CASQ2: variants seen among roughly 807,000 people sequenced by gnomAD.
The protein encoded by CASQ2 is calsequestrin-2.
In CASQ2, 49 loss-of-function variants were observed where a neutral mutation model predicts 46.5. That is an observed-to-expected ratio of 1.05 (90% CI 0.84 to 1.34). The LOEUF (loss-of-function observed/expected upper bound fraction) is 1.34. CASQ2 is among the 40% of genes most tolerant of loss of function. The pLI, the probability that CASQ2 is intolerant of heterozygous loss-of-function variation, is 0.00. For synonymous variants in CASQ2, 174 were observed against 168.5 expected, an observed-to-expected ratio of 1.03 and a Z score of -0.25; for missense variants, 486 against 481.3, an observed-to-expected ratio of 1.01 and a Z score of -0.09.
rs201882642 is a variant in CASQ2, at chr1:115,745,106, A to G, written c.235-194T>C. On this transcript the variant is annotated intron_variant, in intron 1 of 10. Transcript: ENST00000261448. The stretch of plus-strand genomic sequence containing the variant: ...AAGGATGATTCAGGAGAATGCTGAG[A>G]ATCAAGGAGGGAAAATCTGAGGAGC... Among the ~76,000 whole-genome samples the G allele has an allele frequency of 3.3e-5, 5 of 152,322 alleles. No homozygotes were observed. The East Asian group carries it at 9.7e-4, about 29-fold the overall frequency.
chr1:115,740,971 T>C, intron 2 of CASQ2, 143 bp from the exon 3 acceptor site: 1 of 683,548 alleles, frequency 1.5e-6, no homozygotes, highest in Admixed American at 2.2e-5. Context: ...AGCAGTTGCC[T>C]TGAAATAACA....
intron 8 of CASQ2, among the ~76,000 whole-genome samples, chr1:115,709,395 G>A (rs956846916): frequency 3.3e-5 from 5 of 152,298 alleles, no homozygotes; most frequent in Admixed American, 6.5e-5. Context: ...ATGAGTAAAT[G>A]TTTCCTTTAT....
At chr1:115,753,141 C>T (rs1475438207) in intron 1 of CASQ2, among the ~76,000 whole-genome samples, 2 of 152,160 alleles carry the variant, frequency 1.3e-5, no homozygotes, top group Non-Finnish European at 2.9e-5. Context: ...AGTTCACAGT[C>T]ACGGCAGTCC....
chr1:115,765,524 G>A (rs1033922587), intron 1 of CASQ2, among the ~76,000 whole-genome samples: 1 of 152,100 alleles, frequency 6.6e-6, no homozygotes, highest in African/African-American at 2.4e-5. Context: ...CCTCACTGGA[G>A]AGGGAAATCA....
At chr1:115,711,179 C>G (rs554163460) in intron 8 of CASQ2, among the ~76,000 whole-genome samples, 28 of 152,296 alleles carry the variant, frequency 1.8e-4, no homozygotes, top group Middle Eastern at 6.8e-3. Context: ...CTTCCTGACT[C>G]CATGCCATGG....
intron 1 of CASQ2, 21 bp from the exon 2 acceptor site, chr1:115,744,933 A>T (rs777069742): frequency 1.4e-5 from 21 of 1,550,274 alleles, no homozygotes; most frequent in Non-Finnish European, 1.5e-5. Flanking sequence ...AAATGGAAAG[A>T]TGAGTGTGCT....
At position 115,705,208 on chromosome 1, in the gene CASQ2, G is replaced by T. The variant is rs139228801; in HGVS notation, c.923C>A (p.Pro308Gln). The T allele has an allele frequency of 3.7e-6, 6 of 1,612,274 alleles. No homozygotes were observed. Among genetic ancestry groups the T allele is most frequent in the Non-Finnish European group, 5.1e-6 (6 of 1,178,376 alleles). ...GCCACTCACCAGAGGAAAGTCGTCC[G>T]GGTCGATCCACAGGATGCTCAGATC... ...NPDLSILWID[P>Q]DDFPLLVAYW... Residue 308 changes from proline to glutamine, a missense_variant, in exon 9 of 11, where the codon CCG becomes CAG. Physicochemically the swap from Pro to Gln is moderately conservative, Grantham distance 76. Coordinates refer to ENST00000261448, the MANE Select transcript of CASQ2 (RefSeq NM_001232.4).
chr1:115,706,684 A>G (rs1654372982), intron 8 of CASQ2, among the ~76,000 whole-genome samples: 1 of 152,210 alleles, frequency 6.6e-6, no homozygotes, highest in South Asian at 2.1e-4. Context: ...CAAGTAACTC[A>G]CCAGCTACTT....
chr1:115,700,878 T>G lies in CASQ2; in HGVS notation c.*363A>C. On this transcript the variant is annotated 3_prime_UTR_variant, in exon 11 of 11. Transcript: ENST00000261448. ...CCTGTGAGTTAGAAAGCTGTCAATT[T>G]TGTTACTGTCATAATCAAAGACAAG... 1.7e-6 allele frequency: 1 copy of G among 588,234 alleles called. No individual in the cohort carries two copies. The highest frequency in any genetic ancestry group is 3.0e-6 in the Non-Finnish European group (1 of 332,672). The allele number at this position is 588,234 out of a possible 1,614,324, so 36.4% of individuals were successfully genotyped here.
rs753965730 is a variant in CASQ2, at chr1:115,729,035, C to CTTTTTTTTT, written c.607-1922_607-1914dup. Among the ~76,000 whole-genome samples the CTTTTTTTTT allele has an allele frequency of 4.6e-4, 32 of 68,860 alleles. 2 individuals carry two copies. Among genetic ancestry groups the CTTTTTTTTT allele is most frequent in the East Asian group, 8.6e-4 (2 of 2,328 alleles). 45.2% of individuals were successfully genotyped at this position (68,860 alleles called of 152,430 possible). On this transcript the variant is annotated intron_variant, in intron 5 of 10. Transcript: ENST00000261448. Reference sequence around the variant, plus strand: ...TCTCAGAGAATCCCTCTCTTTCATTCTTTTTTTTTTTTTTTTTTTTTTTTT... The same window carrying CTTTTTTTTT: ...TCTCAGAGAATCCCTCTCTTTCATTCTTTTTTTTTTTTTTTTTTTTTTTTTTTTTTTTTT...
rs754834466 is a variant in CASQ2, at chr1:115,726,996, G to A, written c.733C>T (p.Gln245Ter). ...EELVEFVKEH[Q>*]RPTLRRLRPE... Reference sequence around the variant, plus strand: ...CCCACATGCCATCTCAGGCACCTTTGGTGTTCCTTCACAAACTCCACCAGC... The same window carrying A: ...CCCACATGCCATCTCAGGCACCTTTAGTGTTCCTTCACAAACTCCACCAGC... Residue 245 changes from glutamine to a stop codon, truncating the protein, a stop_gained, in exon 6 of 11, where the codon CAA becomes TAA. Transcript: ENST00000261448. LOFTEE classifies it high-confidence loss of function. The A allele has an allele frequency of 1.5e-6, 2 of 1,358,800 alleles. No homozygotes were observed. Among genetic ancestry groups the A allele is most frequent in the South Asian group, 2.3e-5 (2 of 87,250 alleles). The allele number at this position is 1,358,800 out of a possible 1,614,324, so 84.2% of individuals were successfully genotyped here.
At chr1:115,712,677 C>T (rs1278704724) in intron 8 of CASQ2, among the ~76,000 whole-genome samples, 1 of 151,946 alleles carries the variant, frequency 6.6e-6, no homozygotes, top group African/African-American at 2.4e-5. Flanking sequence ...ATAATCCCAG[C>T]ACTTTGGGAG....
chr1:115,745,346 A>G (rs1019827678), intron 1 of CASQ2, among the ~76,000 whole-genome samples: 3 of 148,892 alleles, frequency 2.0e-5, no homozygotes, highest in Non-Finnish European at 3.0e-5. Flanking sequence ...TATGTCCTCA[A>G]TATCCAAACA....
At chr1:115,753,084 G>C (rs1648637373) in intron 1 of CASQ2, among the ~76,000 whole-genome samples, 1 of 152,220 alleles carries the variant, frequency 6.6e-6, no homozygotes. Flanking sequence ...TGGCAGGAGG[G>C]CATGACAGAA....
At chr1:115,757,110 A>C (rs941447993) in intron 1 of CASQ2, among the ~76,000 whole-genome samples, 1 of 152,222 alleles carries the variant, frequency 6.6e-6, no homozygotes, top group Non-Finnish European at 1.5e-5. Flanking sequence ...TTCTGAATCA[A>C]CCATGTATTT....
chr1:115,738,232 T>C lies in CASQ2; in HGVS notation c.524A>G (p.Asp175Gly), dbSNP rs1339827624. The C allele has an allele frequency of 1.3e-6, 2 of 1,597,332 alleles. No homozygotes were observed. Among genetic ancestry groups the C allele is most frequent in the South Asian group, 2.2e-5 (2 of 90,740 alleles). ...GTTGGCAGACAACTTACATTCTGAG[T>C]CCTCACTCTTGAAAAAGCCAATGAG... ...IKLIGFFKSE[D>G]SEYYKAFEEA... Residue 175 changes from aspartate (D) to glycine (G), a missense_variant, in exon 4 of 11, where the codon GAC becomes GGC. Physicochemically the swap from Asp to Gly is moderately conservative, Grantham distance 94. Coordinates refer to ENST00000261448, the MANE Select transcript of CASQ2 (RefSeq NM_001232.4).
chr1:115,757,279 C>T (rs1045128144), intron 1 of CASQ2, among the ~76,000 whole-genome samples: 8 of 152,216 alleles, frequency 5.3e-5, no homozygotes, highest in Admixed American at 2.0e-4. Context: ...CAGCAACCCT[C>T]CACACAGAAT....
chr1:115,735,290 G>C (rs1647919248), intron 4 of CASQ2, among the ~76,000 whole-genome samples: 1 of 152,176 alleles, frequency 6.6e-6, no homozygotes, highest in South Asian at 2.1e-4. Context: ...ATGGGTTCAG[G>C]AGACCTCTCC....
intron 10 of CASQ2, 129 bp downstream of exon 10, chr1:115,702,792 C>T: frequency 1.3e-6 from 1 of 751,790 alleles, no homozygotes; most frequent in South Asian, 1.5e-5. Context: ...TGGCAAGTTT[C>T]CTTGAGCAGG....
Sources: gnomAD v4.1 joint callset for allele counts (sites outside exome capture counted in the v4.1 genomes callset) on GRCh38, gnomAD v4.1.1 for gene constraint, MANE v1.5 for transcripts, NCBI Gene and HGNC (gene_info 2026-07-23, HGNC 2026-07-21) for gene names.